NDC80: variants seen among roughly 807,000 people sequenced by gnomAD.
The protein encoded by NDC80 is kinetochore protein NDC80 homolog.
Under a neutral mutation model 89.3 loss-of-function variants are expected in NDC80, and 69 were observed. The observed-to-expected ratio is 0.77, with a 90% CI of 0.64 to 0.94. The LOEUF is 0.94. NDC80 is among the 40% of genes least tolerant of loss of function. The pLI, the probability that NDC80 is intolerant of heterozygous loss-of-function variation, is 0.00. For missense variants in NDC80, 593 were observed against 739.6 expected (o/e 0.80, Z 2.30); for synonymous variants, 243 against 255.6 (o/e 0.95, Z 0.47).
intron 12 of NDC80, among the ~76,000 whole-genome samples, chr18:2,599,474 T>C (rs766979715): frequency 1.6e-4 from 24 of 152,168 alleles, no homozygotes; most frequent in Non-Finnish European, 2.9e-4. Flanking sequence ...TAGAAGTCTT[T>C]ACAAGTTATA....
chr18:2,606,280 A>G (rs2143664538), intron 13 of NDC80, 135 bp from the exon 14 acceptor site: 6 of 481,296 alleles, frequency 1.2e-5, no homozygotes, highest in Middle Eastern at 5.7e-4. Flanking sequence ...TGGACAAATG[A>G]TAAGTGAGAG....
chr18:2,609,028 TAG>T (rs1437522018), intron 15 of NDC80, among the ~76,000 whole-genome samples, 198 bp downstream of exon 15: 1 of 152,180 alleles, frequency 6.6e-6, no homozygotes, highest in African/African-American at 2.4e-5. Flanking sequence ...CTGTTAGTAT[TAG>T]AGTTACTGTC....
intron 16 of NDC80, chr18:2,614,552 GAAGGAAGGA>G (rs1315866389): frequency 0.014 from 62 of 4,360 alleles, 27 homozygotes; most frequent in African/African-American, 0.088. Context: ...AGGAAGGAAG[GAAGGAAGGA>G]AGGGAAAGAA....
At chr18:2,571,796 T>G (rs904213509) in intron 1 of NDC80, 113 bp downstream of exon 1, 8 of 152,226 alleles carry the variant, frequency 5.3e-5, no homozygotes, top group Non-Finnish European at 1.2e-4. Context: ...TTGGTGTTTG[T>G]TTGCTGTTGG....
intron 3 of NDC80, among the ~76,000 whole-genome samples, chr18:2,576,170 T>C: frequency 6.6e-6 from 1 of 152,312 alleles, no homozygotes; most frequent in Non-Finnish European, 1.5e-5. Context: ...TCTAAAAGAT[T>C]AATGAGAACT....
chr18:2,597,417 A>G (rs1007388314), intron 11 of NDC80, among the ~76,000 whole-genome samples: 1 of 152,196 alleles, frequency 6.6e-6, no homozygotes, highest in Non-Finnish European at 1.5e-5. Context: ...ATAAGAAATT[A>G]CTATCATTCT....
chr18:2,600,988 G>A (rs2072681250), intron 12 of NDC80, among the ~76,000 whole-genome samples: 1 of 152,092 alleles, frequency 6.6e-6, no homozygotes, highest in South Asian at 2.1e-4. Context: ...AAGAAATACA[G>A]GCAGAGAATC....
chr18:2,588,308 T>C (rs1240435211), intron 8 of NDC80, among the ~76,000 whole-genome samples: 4 of 152,230 alleles, frequency 2.6e-5, no homozygotes, highest in Non-Finnish European at 5.9e-5. Flanking sequence ...TTGCTTACTA[T>C]TTGAGAAATT....
At chr18:2,579,608 G>T (rs1372190917) in intron 6 of NDC80, among the ~76,000 whole-genome samples, 1 of 151,892 alleles carries the variant, frequency 6.6e-6, no homozygotes, top group Non-Finnish European at 1.5e-5. Flanking sequence ...TCTATTTTTA[G>T]TAGAGACGGG....
chr18:2,597,863 G>T (rs1167353004), intron 11 of NDC80, among the ~76,000 whole-genome samples: 1 of 152,196 alleles, frequency 6.6e-6, no homozygotes, highest in East Asian at 1.9e-4. Context: ...GGGTAATTGG[G>T]CAGGTGCCAC....
chr18:2,573,181 ATGTCT>A (rs2072527969), intron 2 of NDC80, 95 bp downstream of exon 2: 2 of 993,628 alleles, frequency 2.0e-6, no homozygotes, highest in Non-Finnish European at 1.5e-6. Context: ...AATATGAGTG[ATGTCT>A]TGGTGAATCT....
In NDC80 at chr18:2,573,030, C is replaced by T; in HGVS notation, c.45C>T (p.Ser15=). The stretch of plus-strand genomic sequence containing the variant: ...CCAGCGGTGGTGCTGGCCGCCTCTC[C>T]ATGCAGGAGTTAAGATCCCAGGATG... The part of the protein sequence containing the change: ...SVSSGGAGRL[S]MQELRSQDVN... The change falls in exon 2 of 17, where the codon TCC becomes TCT. Residue 15 remains serine (S), a synonymous_variant. Coordinates refer to ENST00000261597, the MANE Select transcript of NDC80 (RefSeq NM_006101.3). 6.2e-7 allele frequency: 1 copy of T among 1,614,108 alleles called. No individual in the cohort carries two copies. The highest frequency in any genetic ancestry group is 8.5e-7 in the Non-Finnish European group (1 of 1,180,008).
intron 8 of NDC80, among the ~76,000 whole-genome samples, chr18:2,588,403 A>G (rs2072612158): frequency 6.6e-6 from 1 of 152,162 alleles, no homozygotes; most frequent in African/African-American, 2.4e-5. Context: ...CCAAATATGT[A>G]AGGAAAATCT....
At chr18:2,575,344 G>A (rs2072540918) in intron 3 of NDC80, among the ~76,000 whole-genome samples, 1 of 152,172 alleles carries the variant, frequency 6.6e-6, no homozygotes, top group Non-Finnish European at 1.5e-5. Context: ...TTTAAAATAA[G>A]GAGTGGCCAG....
At chr18:2,583,318 T>A (rs1351911709) in intron 6 of NDC80, among the ~76,000 whole-genome samples, 6 of 152,192 alleles carry the variant, frequency 3.9e-5, no homozygotes, top group Admixed American at 3.9e-4. Context: ...CTTGGCAAGG[T>A]GACAGAAGCT....
At chr18:2,577,645 T>C (rs553667306) in intron 3 of NDC80, 101 bp from the exon 4 acceptor site, 2 of 1,230,884 alleles carry the variant, frequency 1.6e-6, no homozygotes, top group African/African-American at 1.5e-5. Context: ...AAGAACGTAA[T>C]GTTTGATGTT....
At position 2,599,080 on chromosome 18, in the gene NDC80, G is replaced by A. The variant is rs150976216; in HGVS notation, c.1283G>A (p.Gly428Asp). The A allele has an allele frequency of 5.0e-6, 8 of 1,612,598 alleles. No homozygotes were observed. Among genetic ancestry groups the A allele is most frequent in the African/African-American group, 1.3e-5 (1 of 74,858 alleles). ...LARKLKLIPK[G>D]AENSKGYDFE... Reference sequence around the variant, plus strand: ...AGAAAATTAAAACTTATTCCTAAAGGTGCTGAGAATTCCAAAGGTTATGAC... The same window carrying A: ...AGAAAATTAAAACTTATTCCTAAAGATGCTGAGAATTCCAAAGGTTATGAC... Residue 428 changes from glycine to aspartate, a missense_variant, in exon 12 of 17, where the codon GGT becomes GAT. Gly to Asp is a moderately conservative substitution (Grantham distance 94). Coordinates refer to ENST00000261597, the MANE Select transcript of NDC80 (RefSeq NM_006101.3).
chr18:2,607,288 C>T (rs570319371), intron 14 of NDC80, among the ~76,000 whole-genome samples: 6 of 152,136 alleles, frequency 3.9e-5, no homozygotes, highest in South Asian at 2.1e-4. Context: ...TACTCTCTGA[C>T]GCACTTAAAT....
intron 10 of NDC80, among the ~76,000 whole-genome samples, chr18:2,593,301 G>A (rs533257636): frequency 7.6e-4 from 115 of 152,082 alleles, no homozygotes; most frequent in African/African-American, 2.6e-3. Context: ...TGATCCACCC[G>A]CCTCTGCCAT....
Sources: gnomAD v4.1 joint callset for allele counts (sites outside exome capture counted in the v4.1 genomes callset) on GRCh38, gnomAD v4.1.1 for gene constraint, MANE v1.5 for transcripts, NCBI Gene and HGNC (gene_info 2026-07-23, HGNC 2026-07-21) for gene names.